Variants in NBEA observed in about 807,000 individuals in gnomAD.
NBEA encodes the protein lysosomal-trafficking regulator 2.
A neutral mutation model predicts 343.4 loss-of-function variants in NBEA; 44 were observed. The observed-to-expected ratio is 0.13, with a 90% CI of 0.10 to 0.16. The LOEUF (loss-of-function observed/expected upper bound fraction) is 0.16. Ranked by LOEUF, NBEA falls within the 10% of genes least tolerant of loss-of-function variation. The pLI, the probability that NBEA is intolerant of heterozygous loss-of-function variation, is 1.00. For synonymous variants in NBEA, 1,175 were observed against 1,238.7 expected, an observed-to-expected ratio of 0.95 and a Z score of 1.08; for missense variants, 2,555 against 3,631.3, an observed-to-expected ratio of 0.70 and a Z score of 7.62.
At chr13:35,565,246 T>C (rs1419590628) in intron 44 of NBEA, among the ~76,000 whole-genome samples, 1 of 152,176 alleles carries the variant, frequency 6.6e-6, no homozygotes, top group African/African-American at 2.4e-5. Flanking sequence ...CAATATGCAG[T>C]TTAGTTGTAA....
At chr13:35,192,862 A>G (rs2072299825) in intron 30 of NBEA, among the ~76,000 whole-genome samples, 1 of 151,928 alleles carries the variant, frequency 6.6e-6, no homozygotes, top group Admixed American at 6.6e-5. Flanking sequence ...ATAGCTTGAG[A>G]AGTTTAAACT....
chr13:35,259,611 A>C (rs890979508), intron 34 of NBEA, among the ~76,000 whole-genome samples: 1 of 152,108 alleles, frequency 6.6e-6, no homozygotes, highest in Non-Finnish European at 1.5e-5. Flanking sequence ...TTATCAATCT[A>C]AAATCAATCA....
intron 18 of NBEA, among the ~76,000 whole-genome samples, chr13:35,145,218 A>G (rs2068344640): frequency 6.6e-6 from 1 of 152,228 alleles, no homozygotes; most frequent in Non-Finnish European, 1.5e-5. Context: ...TAGCTTAGCA[A>G]TGAGCCTAAA....
chr13:35,428,957 C>T (rs975591415), intron 38 of NBEA, among the ~76,000 whole-genome samples: 16 of 152,118 alleles, frequency 1.1e-4, no homozygotes, highest in Non-Finnish European at 1.2e-4. Flanking sequence ...CCCAGTGAGT[C>T]GGAGGCTCTT....
chr13:35,510,343 A>G (rs1290259494), intron 41 of NBEA, among the ~76,000 whole-genome samples: 1 of 152,206 alleles, frequency 6.6e-6, no homozygotes, highest in African/African-American at 2.4e-5. Context: ...TTCTTGACAT[A>G]GTTTTGCATT....
chr13:35,228,738 G>A (rs2074807667), intron 33 of NBEA, among the ~76,000 whole-genome samples: 1 of 151,882 alleles, frequency 6.6e-6, no homozygotes, highest in African/African-American at 2.4e-5. Context: ...AAGAAAAATA[G>A]CCAAATTCAA....
chr13:35,082,171 GT>G (rs536852586), intron 10 of NBEA, among the ~76,000 whole-genome samples: 49 of 151,896 alleles, frequency 3.2e-4, no homozygotes, highest in Non-Finnish European at 1.0e-4. Flanking sequence ...GCGGTGTTTG[GT>G]TTTTTTGTCC....
At chr13:35,249,260 T>C (rs990434694) in intron 34 of NBEA, among the ~76,000 whole-genome samples, 10 of 151,178 alleles carry the variant, frequency 6.6e-5, no homozygotes, top group African/African-American at 2.4e-4. Context: ...AAAATAGATA[T>C]ATTGGACTAC....
At chr13:35,173,425 C>T in intron 26 of NBEA, 39 bp from the exon 27 acceptor site, 1 of 1,489,000 alleles carries the variant, frequency 6.7e-7, no homozygotes, top group Non-Finnish European at 9.0e-7. Context: ...TCAAAGTCAA[C>T]AATTTATATT....
chr13:35,516,398 A>G (rs546607629), intron 41 of NBEA, among the ~76,000 whole-genome samples: 11 of 152,178 alleles, frequency 7.2e-5, no homozygotes, highest in Non-Finnish European at 1.3e-4. Flanking sequence ...GTAATGCTAT[A>G]TTTTATTGCA....
chr13:35,422,546 C>T (rs1376176697), intron 38 of NBEA, among the ~76,000 whole-genome samples: 5 of 152,030 alleles, frequency 3.3e-5, no homozygotes, highest in Non-Finnish European at 7.4e-5. Flanking sequence ...TCCAGTCTAT[C>T]GTTGTTGGAC....
intron 47 of NBEA, among the ~76,000 whole-genome samples, chr13:35,605,499 A>G (rs534467357): frequency 3.3e-5 from 5 of 152,308 alleles, no homozygotes; most frequent in East Asian, 1.9e-4. Flanking sequence ...TATGCCATCA[A>G]TGTTGATCAT....
intron 40 of NBEA, among the ~76,000 whole-genome samples, chr13:35,459,977 A>G (rs1468562859): frequency 6.6e-6 from 1 of 152,202 alleles, no homozygotes; most frequent in Non-Finnish European, 1.5e-5. Context: ...AACTCTGTGC[A>G]TTGCAATTCT....
chr13:34,959,885 C>A (rs1213963471), intron 1 of NBEA, among the ~76,000 whole-genome samples: 1 of 152,050 alleles, frequency 6.6e-6, no homozygotes, highest in East Asian at 1.9e-4. Flanking sequence ...AAAGGTATAG[C>A]ACATACAGTT....
rs2072585457 is a variant in NBEA, at chr13:35,196,246, A to G, written c.5310A>G (p.Pro1770=). 1 of 1,613,460 alleles carries G rather than the reference A, an allele frequency of 6.2e-7. No individual in the cohort carries two copies. The highest frequency in any genetic ancestry group is 8.5e-7 in the Non-Finnish European group (1 of 1,179,682). The change falls in exon 31 of 59, where the codon CCA becomes CCG. Residue 1770 remains proline (P), a synonymous_variant. Coordinates refer to ENST00000379939, the MANE Select transcript of NBEA (RefSeq NM_001385012.1). Reference sequence around the variant, plus strand: ...CTGAACCTATCCCATACCCAGATCCAGCATTGAAGAGAGAAACACAAGCTA... The same window carrying G: ...CTGAACCTATCCCATACCCAGATCCGGCATTGAAGAGAGAAACACAAGCTA... ...CGPEPIPYPD[P]ALKRETQAIL... is the part of the protein sequence containing the mutation.
intron 1 of NBEA, among the ~76,000 whole-genome samples, chr13:34,977,445 A>C (rs946248476): frequency 1.3e-5 from 2 of 151,594 alleles, no homozygotes; most frequent in African/African-American, 4.9e-5. Flanking sequence ...AGTAGCTGGG[A>C]CTACAGTCAT....
rs570431903 is a variant in NBEA at position 35,511,039 on chromosome 13, A to T, written c.6585+38503A>T. Reference sequence around the variant, plus strand: ...TGAAAATAATAAAATATGGTGGATTATAAGTACATCATTCAAGTTTGCTAT... The same window carrying T: ...TGAAAATAATAAAATATGGTGGATTTTAAGTACATCATTCAAGTTTGCTAT... On this transcript the variant is annotated intron_variant, in intron 41 of 58. Coordinates refer to ENST00000379939, the MANE Select transcript of NBEA (RefSeq NM_001385012.1). Among the ~76,000 whole-genome samples, 7 of 152,332 alleles carry T rather than the reference A, an allele frequency of 4.6e-5. No homozygotes were observed. The East Asian group carries it at 1.3e-3, about 29-fold the overall frequency.
intron 38 of NBEA, among the ~76,000 whole-genome samples, chr13:35,369,074 C>T (rs2041283425): frequency 6.7e-6 from 1 of 150,068 alleles, no homozygotes; most frequent in African/African-American, 2.4e-5. Context: ...GCCTTTAATA[C>T]ATCTTTAGTT....
chr13:35,383,922 A>C (rs988904186), intron 38 of NBEA, among the ~76,000 whole-genome samples: 1 of 152,020 alleles, frequency 6.6e-6, no homozygotes, highest in Non-Finnish European at 1.5e-5. Flanking sequence ...AGTTTCTTCT[A>C]TGTTTGGCAT....
Sources: gnomAD v4.1 joint callset for allele counts (sites outside exome capture counted in the v4.1 genomes callset) on GRCh38, gnomAD v4.1.1 for gene constraint, MANE v1.5 for transcripts, NCBI Gene and HGNC (gene_info 2026-07-23, HGNC 2026-07-21) for gene names.